ANKS1B: variants seen among roughly 807,000 people sequenced by gnomAD.
ANKS1B encodes the protein ankyrin repeat and sterile alpha motif domain containing 1B.
Under a neutral mutation model 148.3 loss-of-function variants are expected in ANKS1B, and 36 were observed. The observed-to-expected ratio is 0.24, with a 90% CI of 0.19 to 0.32. The LOEUF (loss-of-function observed/expected upper bound fraction) is 0.32. Among genes scored for constraint, ANKS1B ranks in the 10% least tolerant of loss-of-function variants. The pLI, the probability that ANKS1B is intolerant of heterozygous loss-of-function variation, is 1.00. For synonymous variants in ANKS1B, 542 were observed against 560.8 expected (o/e 0.97, Z 0.47); for missense variants, 1,157 against 1,542.6 (o/e 0.75, Z 4.19).
chr12:98,766,426 G>A (rs1227397961), intron 25 of ANKS1B, among the ~76,000 whole-genome samples: 7 of 152,152 alleles, frequency 4.6e-5, no homozygotes, highest in African/African-American at 1.4e-4. Flanking sequence ...GCCAGGGAAC[G>A]GCTTCTCTTT....
At chr12:99,367,543 A>T (rs1357512153) in intron 12 of ANKS1B, among the ~76,000 whole-genome samples, 1 of 152,152 alleles carries the variant, frequency 6.6e-6, no homozygotes, top group Non-Finnish European at 1.5e-5. Flanking sequence ...ATTCCCCAAG[A>T]GAGAGAGTTC....
intron 4 of ANKS1B, among the ~76,000 whole-genome samples, chr12:99,784,141 C>T (rs1401945913): frequency 2.6e-5 from 4 of 151,664 alleles, no homozygotes; most frequent in Non-Finnish European, 4.4e-5. Flanking sequence ...AAACCTCATA[C>T]CCTATGCTCC....
chr12:99,562,676 G>A (rs2097349145), intron 9 of ANKS1B, among the ~76,000 whole-genome samples: 1 of 152,206 alleles, frequency 6.6e-6, no homozygotes, highest in Admixed American at 6.5e-5. Context: ...GCTGAGCAAA[G>A]TGGGAAAAGC....
At chr12:99,854,965 G>A (rs1018969928) in intron 1 of ANKS1B, among the ~76,000 whole-genome samples, 4 of 151,564 alleles carry the variant, frequency 2.6e-5, no homozygotes, top group African/African-American at 9.7e-5. Flanking sequence ...AAATCTCACA[G>A]AACCTATAAA....
intron 8 of ANKS1B, among the ~76,000 whole-genome samples, chr12:99,740,327 CA>C (rs1431220570): frequency 1.3e-5 from 2 of 150,306 alleles, no homozygotes; most frequent in African/African-American, 5.0e-5. Context: ...AAAACAAAAA[CA>C]AAAAACAAAA....
chr12:99,636,114 T>C (rs926642714), intron 9 of ANKS1B, among the ~76,000 whole-genome samples: 1 of 152,052 alleles, frequency 6.6e-6, no homozygotes, highest in African/African-American at 2.4e-5. Flanking sequence ...TTTTAAAATA[T>C]TTTTAACAGA....
intron 8 of ANKS1B, among the ~76,000 whole-genome samples, chr12:99,755,184 T>C (rs532797840): frequency 1.4e-4 from 22 of 151,790 alleles, no homozygotes; most frequent in East Asian, 3.9e-4. Context: ...CCCGACCCCA[T>C]AGAAATGCAA....
chr12:99,356,866 A>C (rs895439468), intron 12 of ANKS1B, among the ~76,000 whole-genome samples: 1 of 152,098 alleles, frequency 6.6e-6, no homozygotes, highest in Non-Finnish European at 1.5e-5. Context: ...ATAACAGAAA[A>C]CTAAAATAAG....
At chr12:99,648,080 C>T (rs1461572343) in intron 9 of ANKS1B, 1 of 1,505,078 alleles carries the variant, frequency 6.6e-7, no homozygotes, top group African/African-American at 1.4e-5. Flanking sequence ...TGCTGGCCCA[C>T]CTGCCAGAGT....
intron 1 of ANKS1B, among the ~76,000 whole-genome samples, chr12:99,979,791 A>G (rs1176509299): frequency 6.6e-6 from 1 of 152,096 alleles, no homozygotes; most frequent in Non-Finnish European, 1.5e-5. Flanking sequence ...TCTCACAGGA[A>G]CAATGGAGAG....
At chr12:99,240,323 T>G (rs2089020440) in intron 14 of ANKS1B, among the ~76,000 whole-genome samples, 1 of 152,174 alleles carries the variant, frequency 6.6e-6, no homozygotes, top group Admixed American at 6.5e-5. Flanking sequence ...AGAAGGCCAC[T>G]ATATAATGGT....
intron 8 of ANKS1B, among the ~76,000 whole-genome samples, chr12:99,757,099 TG>T (rs1351393731): frequency 1.3e-5 from 2 of 151,856 alleles, no homozygotes; most frequent in Non-Finnish European, 2.9e-5. Context: ...AATTGACAAA[TG>T]GGATCTAATT....
intron 12 of ANKS1B, among the ~76,000 whole-genome samples, chr12:99,290,292 A>G (rs1418776168): frequency 1.3e-5 from 2 of 151,536 alleles, no homozygotes; most frequent in African/African-American, 4.8e-5. Flanking sequence ...CCAGAAAAAA[A>G]AAAAAAAAAG....
chr12:99,026,924 A>G (rs948903724), intron 17 of ANKS1B, among the ~76,000 whole-genome samples: 1 of 152,204 alleles, frequency 6.6e-6, no homozygotes, highest in Non-Finnish European at 1.5e-5. Flanking sequence ...TGCATTGTAT[A>G]AATCTATCAG....
chr12:99,376,302 T>C (rs948246163), intron 12 of ANKS1B, among the ~76,000 whole-genome samples: 2 of 152,214 alleles, frequency 1.3e-5, no homozygotes, highest in African/African-American at 2.4e-5. Context: ...CATCTGGGAA[T>C]TTTATTTGCT....
intron 9 of ANKS1B, among the ~76,000 whole-genome samples, chr12:99,617,811 A>T (rs1701587947): frequency 6.6e-6 from 1 of 152,112 alleles, no homozygotes; most frequent in South Asian, 2.1e-4. Context: ...AAGATTTAAA[A>T]AAAAAAACAA....
At chr12:99,254,565 T>C (rs1436098400) in intron 12 of ANKS1B, among the ~76,000 whole-genome samples, 1 of 152,170 alleles carries the variant, frequency 6.6e-6, no homozygotes, top group Non-Finnish European at 1.5e-5. Flanking sequence ...TGGCCACCTA[T>C]GCTACTGCAC....
chr12:98,859,697 A>T (rs116428022), intron 17 of ANKS1B, among the ~76,000 whole-genome samples: 2,246 of 152,350 alleles, frequency 0.015, 62 homozygotes, highest in African/African-American at 0.05. Flanking sequence ...CAACATTTAA[A>T]TCGATACAGC....
At chr12:99,775,773 A>T (rs958370900) in intron 6 of ANKS1B, 112 bp from the exon 7 acceptor site, 1 of 551,890 alleles carries the variant, frequency 1.8e-6, no homozygotes, top group African/African-American at 1.9e-5. Flanking sequence ...TCATATCCTA[A>T]ATATATCCTA....
Sources: allele counts gnomAD v4.1 joint callset (sites outside exome capture counted in the v4.1 genomes callset), GRCh38; gene constraint gnomAD v4.1.1; transcripts MANE v1.5; gene names NCBI Gene and HGNC (gene_info 2026-07-23, HGNC 2026-07-21).